Variants in PPP4R1 observed in about 807,000 individuals in gnomAD.
The protein encoded by PPP4R1 is protein phosphatase 4 regulatory subunit 1.
PPP4R1 carries 42 observed loss-of-function variants against 111.2 expected under a neutral mutation model. That is an observed-to-expected ratio of 0.38 (90% CI 0.29 to 0.49). The LOEUF is 0.49. Ranked by LOEUF, PPP4R1 falls within the 20% of genes least tolerant of loss-of-function variation. The pLI is 0.97. For synonymous variants in PPP4R1, 409 were observed against 405.5 expected, an observed-to-expected ratio of 1.01 and a Z score of -0.10; for missense variants, 1,012 against 1,161.6, an observed-to-expected ratio of 0.87 and a Z score of 1.87.
At chr18:9,575,704 G>C (rs1342970559) in intron 10 of PPP4R1, among the ~76,000 whole-genome samples, 3 of 152,182 alleles carry the variant, frequency 2.0e-5, no homozygotes, top group Admixed American at 6.5e-5. Context: ...GTTGAGGTCA[G>C]TGAAGTTTTA....
At chr18:9,566,556 C>T (rs1598907262) in intron 11 of PPP4R1, among the ~76,000 whole-genome samples, 2 of 151,846 alleles carry the variant, frequency 1.3e-5, no homozygotes, top group East Asian at 2.0e-4. Flanking sequence ...GAGGCTGAGG[C>T]AGGAGAATCG....
intron 14 of PPP4R1, among the ~76,000 whole-genome samples, chr18:9,558,396 G>A (rs1052537380): frequency 6.6e-6 from 1 of 152,140 alleles, no homozygotes; most frequent in Non-Finnish European, 1.5e-5. Flanking sequence ...CTGAAAACAC[G>A]AATACACAGG....
intron 6 of PPP4R1, among the ~76,000 whole-genome samples, chr18:9,585,213 T>C (rs753704235): frequency 1.3e-5 from 2 of 152,168 alleles, no homozygotes; most frequent in Admixed American, 6.5e-5. Context: ...AATTGGTGAC[T>C]GTTCAAAGGG....
At chr18:9,560,752 G>T (rs2066660146) in intron 13 of PPP4R1, among the ~76,000 whole-genome samples, 1 of 152,030 alleles carries the variant, frequency 6.6e-6, no homozygotes, top group South Asian at 2.1e-4. Context: ...CAGCTACTTG[G>T]GGGGCTGAGG....
intron 6 of PPP4R1, among the ~76,000 whole-genome samples, chr18:9,587,856 C>T (rs2067146013): frequency 1.3e-5 from 2 of 152,102 alleles, no homozygotes; most frequent in African/African-American, 2.4e-5. Context: ...ACAGGGACTA[C>T]AGGCGCACAC....
chr18:9,595,262 C>G, intron 2 of PPP4R1, 109 bp from the exon 3 acceptor site: 1 of 1,127,764 alleles, frequency 8.9e-7, no homozygotes, highest in African/African-American at 1.6e-5. Flanking sequence ...AAAAAAAAAT[C>G]ACAAGAGACT....
chr18:9,608,591 C>A (rs2067524387), intron 2 of PPP4R1, among the ~76,000 whole-genome samples: 1 of 152,190 alleles, frequency 6.6e-6, no homozygotes, highest in African/African-American at 2.4e-5. Context: ...GTTCCAGACC[C>A]TCTTATAGAA....
At chr18:9,605,989 C>A (rs1396368922) in intron 2 of PPP4R1, among the ~76,000 whole-genome samples, 1 of 152,156 alleles carries the variant, frequency 6.6e-6, no homozygotes, top group Non-Finnish European at 1.5e-5. Flanking sequence ...ATGTTAACAG[C>A]TTAATTCAGG....
chr18:9,610,348 A>G (rs1423234824), intron 2 of PPP4R1, among the ~76,000 whole-genome samples: 2 of 152,230 alleles, frequency 1.3e-5, no homozygotes, highest in Non-Finnish European at 2.9e-5. Flanking sequence ...GAGATAACCT[A>G]TGTTCAAATG....
At chr18:9,568,032 C>T (rs8082723) in intron 11 of PPP4R1, among the ~76,000 whole-genome samples, 1,993 of 152,190 alleles carry the variant, frequency 0.013, 41 homozygotes, top group African/African-American at 0.045. Flanking sequence ...ATAAACACAA[C>T]TTTTATAAAA....
At chr18:9,583,369 T>C (rs965067160) in intron 8 of PPP4R1, 94 bp from the exon 9 acceptor site, 50 of 1,234,002 alleles carry the variant, frequency 4.1e-5, no homozygotes, top group Non-Finnish European at 5.3e-5. Context: ...GCTTCTTTTG[T>C]TTGTTTGTTT....
chr18:9,606,717 T>G (rs1373683991), intron 2 of PPP4R1, among the ~76,000 whole-genome samples: 1 of 151,942 alleles, frequency 6.6e-6, no homozygotes. Context: ...TATAATGTAT[T>G]TCTATTTATA....
At chr18:9,555,742 T>C (rs2066562393) in intron 15 of PPP4R1, among the ~76,000 whole-genome samples, 1 of 152,196 alleles carries the variant, frequency 6.6e-6, no homozygotes, top group East Asian at 1.9e-4. Flanking sequence ...GACACCTAGA[T>C]TTAAGAGGAC....
Position 9,559,484 on chromosome 18 carries a change from T to A in PPP4R1, c.1963A>T (p.Thr655Ser). 5.0e-6 allele frequency: 8 copies of A among 1,613,930 alleles called. No individual in the cohort carries two copies. Among genetic ancestry groups the A allele is most frequent in the Non-Finnish European group, 6.8e-6 (8 of 1,179,882 alleles). Residue 655 changes from threonine (T) to serine (S), a missense_variant, in exon 14 of 20, where the codon ACA (threonine) becomes TCA (serine). Around this residue, in one of 2 missense-constraint regions of PPP4R1, gnomAD observed 305 missense variants for 419.5 expected, o/e 0.73. Transcript: ENST00000400556. ...CAYSLPGVAL[T>S]LGRQNWHCLR... ...CAGTGCCAATTCTGTCTTCCGAGTG[T>A]CAAGGCCACACCAGGGAGGCTATAT...
At chr18:9,594,992 C>A in intron 3 of PPP4R1, 26 bp downstream of exon 3, 2 of 1,606,098 alleles carry the variant, frequency 1.2e-6, no homozygotes, top group Non-Finnish European at 1.7e-6. Context: ...TCCACTTCCA[C>A]TTTAACAAAA....
At chr18:9,592,417 CACTA>C (rs201021678) in intron 4 of PPP4R1, among the ~76,000 whole-genome samples, 2,707 of 152,270 alleles carry the variant, frequency 0.018, 74 homozygotes, top group African/African-American at 0.062. Context: ...ACTTAAATGT[CACTA>C]ACTTTCTGAA....
chr18:9,613,961 TC>T (rs1033593655), intron 2 of PPP4R1: 14 of 256,524 alleles, frequency 5.5e-5, no homozygotes, highest in Non-Finnish European at 3.0e-5. Context: ...CGCAGGCGAT[TC>T]GGGGGCGCCG....
At chr18:9,550,427 G>A in intron 16 of PPP4R1, 29 bp from the exon 17 acceptor site, 2 of 1,561,326 alleles carry the variant, frequency 1.3e-6, no homozygotes, top group Non-Finnish European at 1.7e-6. Context: ...AAAAGACAAT[G>A]TTTAAAAATC....
chr18:9,611,290 T>G (rs1375005148), intron 2 of PPP4R1, among the ~76,000 whole-genome samples: 1 of 152,144 alleles, frequency 6.6e-6, no homozygotes, highest in Non-Finnish European at 1.5e-5. Context: ...CTCCATACTC[T>G]GGAGTTTTAC....
Sources: allele counts gnomAD v4.1 joint callset (sites outside exome capture counted in the v4.1 genomes callset), GRCh38; gene constraint gnomAD v4.1.1; regional missense constraint gnomAD v4.1.1; transcripts MANE v1.5; gene names NCBI Gene and HGNC (gene_info 2026-07-23, HGNC 2026-07-21).